MIPEP: variants seen among roughly 807,000 people sequenced by gnomAD.
The protein encoded by MIPEP is mitochondrial intermediate peptidase.
A neutral mutation model predicts 90.3 loss-of-function variants in MIPEP; 79 were observed. The ratio of observed to expected loss-of-function variants is 0.87; its 90% CI spans 0.73 to 1.05. The LOEUF is 1.05. Among genes scored for constraint, MIPEP ranks in the 50% least tolerant of loss-of-function variants. MIPEP has a pLI of 0.00. For missense variants in MIPEP, 940 were observed against 905.6 expected, an observed-to-expected ratio of 1.04 and a Z score of -0.49; for synonymous variants, 334 against 315.8, an observed-to-expected ratio of 1.06 and a Z score of -0.61.
At chr13:23,834,148 G>A (rs1460464146) in intron 14 of MIPEP, among the ~76,000 whole-genome samples, 1 of 152,132 alleles carries the variant, frequency 6.6e-6, no homozygotes, top group Non-Finnish European at 1.5e-5. Context: ...GAGAGGGGCC[G>A]AGCCCCCGGA....
chr13:23,858,512 C>T (rs966365312), intron 10 of MIPEP, among the ~76,000 whole-genome samples: 1 of 150,692 alleles, frequency 6.6e-6, no homozygotes, highest in East Asian at 1.9e-4. Flanking sequence ...CGTAGTACCA[C>T]GCCATGTACC....
At chr13:23,831,295 C>A (rs1218047507) in intron 14 of MIPEP, among the ~76,000 whole-genome samples, 1 of 143,030 alleles carries the variant, frequency 7.0e-6, no homozygotes, top group East Asian at 2.1e-4. Context: ...CATTAGGAAT[C>A]AGGATCTGGG....
intron 16 of MIPEP, among the ~76,000 whole-genome samples, chr13:23,779,468 T>C (rs1952753494): frequency 6.6e-6 from 1 of 151,284 alleles, no homozygotes; most frequent in South Asian, 2.1e-4. Flanking sequence ...AAAAGGTGTA[T>C]GGGGGGGGCA....
chr13:23,857,662 G>C (rs1321310392), intron 10 of MIPEP, among the ~76,000 whole-genome samples: 1 of 152,180 alleles, frequency 6.6e-6, no homozygotes, highest in Non-Finnish European at 1.5e-5. Flanking sequence ...TGCCTTGTAA[G>C]TAAAAATGGT....
chr13:23,764,358 T>C (rs1417306773), intron 16 of MIPEP, among the ~76,000 whole-genome samples: 2 of 152,154 alleles, frequency 1.3e-5, no homozygotes, highest in Non-Finnish European at 2.9e-5. Context: ...AATGGAAGGC[T>C]CTTTGATCAT....
rs556253332 is a variant in MIPEP at position 23,880,870 on chromosome 13, A to G, written c.452+829T>C. On this transcript the variant is annotated intron_variant, in intron 3 of 18. Transcript: ENST00000382172. ...AGAGAAGCCATCACTCTCCTCCTCC[A>G]ACAATTTCTGGCATATGAAATTGTC... is the stretch of plus-strand genomic sequence containing the variant. Among the ~76,000 whole-genome samples, 175 of 152,230 alleles carry G rather than the reference A, an allele frequency of 1.1e-3. 1 individual carries two copies. Among genetic ancestry groups the G allele is most frequent in the African/African-American group, 4.1e-3 (169 of 41,540 alleles).
intron 10 of MIPEP, among the ~76,000 whole-genome samples, chr13:23,852,388 G>A (rs574393220): frequency 6.6e-6 from 1 of 152,324 alleles, no homozygotes; most frequent in East Asian, 1.9e-4. Flanking sequence ...AGACTGAGAT[G>A]ACATGAGGGC....
At chr13:23,888,713 A>C in intron 1 of MIPEP, 1 of 1,003,954 alleles carries the variant, frequency 1.0e-6, no homozygotes, top group Non-Finnish European at 1.2e-6. Context: ...TCCTTGCAAA[A>C]AGACCATGTG....
chr13:23,747,676 T>C lies in MIPEP; in HGVS notation c.2044+8869A>G, dbSNP rs557104436. 69 of 394,094 alleles carry C rather than the reference T, an allele frequency of 1.8e-4. 2 individuals are homozygous for C. Among genetic ancestry groups the C allele is most frequent in the Admixed American group, 1.7e-3 (50 of 30,058 alleles). 24.4% of individuals were successfully genotyped at this position (394,094 alleles called of 1,614,324 possible). The stretch of plus-strand genomic sequence containing the variant: ...CCTGTAAAATATCCAAAAATATTCA[T>C]GTGATAAAAAAAATTCCTGAACCAG... On this transcript the variant is annotated intron_variant, in intron 18 of 18. Coordinates refer to ENST00000382172, the MANE Select transcript of MIPEP (RefSeq NM_005932.4).
At chr13:23,879,828 G>A (rs1345732925) in intron 3 of MIPEP, among the ~76,000 whole-genome samples, 3 of 152,094 alleles carry the variant, frequency 2.0e-5, no homozygotes, top group East Asian at 1.9e-4. Context: ...TTAGGCTGCC[G>A]TGAGGATTAA....
At chr13:23,745,961 C>G (rs1046032950) in intron 18 of MIPEP, among the ~76,000 whole-genome samples, 1 of 150,416 alleles carries the variant, frequency 6.6e-6, no homozygotes, top group East Asian at 2.0e-4. Flanking sequence ...TAGAACCAGA[C>G]GTTTGGGGAT....
chr13:23,748,462 C>T (rs1952406918), intron 18 of MIPEP, among the ~76,000 whole-genome samples: 1 of 152,068 alleles, frequency 6.6e-6, no homozygotes, highest in South Asian at 2.1e-4. Flanking sequence ...TTAATATGTG[C>T]TATGAAGCAA....
In MIPEP at chr13:23,827,880, G is replaced by A. The variant is rs919726780; in HGVS notation, c.1653+8360C>T. On this transcript the variant is annotated intron_variant, in intron 14 of 18. Coordinates refer to ENST00000382172, the MANE Select transcript of MIPEP (RefSeq NM_005932.4). ...CAGGAGGTGGAAGTTGCAGTGAGCA[G>A]AGACTGCACCACTGCACTCCAGCCT... Among the ~76,000 whole-genome samples the A allele has an allele frequency of 3.3e-5, 5 of 152,168 alleles. No individual in the cohort carries two copies. The East Asian group carries it at 9.6e-4, about 29-fold the overall frequency.
chr13:23,761,650 G>A (rs1158642330), intron 16 of MIPEP, among the ~76,000 whole-genome samples: 2 of 152,264 alleles, frequency 1.3e-5, no homozygotes, highest in Non-Finnish European at 2.9e-5. Context: ...ATGCAAGCAC[G>A]GCACACGAGC....
Position 23,754,977 on chromosome 13 carries a change from C to T in MIPEP, c.2044+1568G>A, listed in dbSNP as rs202238666. On this transcript the variant is annotated intron_variant, in intron 18 of 18. Coordinates refer to ENST00000382172, the MANE Select transcript of MIPEP (RefSeq NM_005932.4). ...CCTGAGGTCCTGGTTCAATCCCTGGCTCTTCCACATACTGCCTTGTTACAT... is the reference window on the plus strand; with the variant it reads ...CCTGAGGTCCTGGTTCAATCCCTGGTTCTTCCACATACTGCCTTGTTACAT... Among the ~76,000 whole-genome samples the T allele has an allele frequency of 1.8e-4, 27 of 152,360 alleles. No individual in the cohort carries two copies. The East Asian group carries it at 3.7e-3, about 21-fold the overall frequency.
chr13:23,806,103 C>A, intron 15 of MIPEP, 34 bp from the exon 16 acceptor site: 1 of 1,611,158 alleles, frequency 6.2e-7, no homozygotes, highest in South Asian at 1.1e-5. Flanking sequence ...TAGTTTTGGT[C>A]GTCCATCCTC....
chr13:23,828,210 A>T (rs1444993252), intron 14 of MIPEP, among the ~76,000 whole-genome samples: 2 of 152,236 alleles, frequency 1.3e-5, no homozygotes, highest in African/African-American at 4.8e-5. Flanking sequence ...TCTCCAACAA[A>T]CCTATAACAA....
intron 10 of MIPEP, among the ~76,000 whole-genome samples, chr13:23,850,934 G>T (rs1449830517): frequency 6.6e-6 from 1 of 152,226 alleles, no homozygotes; most frequent in Non-Finnish European, 1.5e-5. Context: ...AGGGAGGAAT[G>T]AAAACCTAGT....
chr13:23,879,402 AT>A (rs781152437), intron 3 of MIPEP, 48 bp from the exon 4 acceptor site: 25 of 990,646 alleles, frequency 2.5e-5, no homozygotes, highest in Non-Finnish European at 3.8e-5. Flanking sequence ...CTAATACCTT[AT>A]TTTTAACTTT....
Sources: allele counts gnomAD v4.1 joint callset (sites outside exome capture counted in the v4.1 genomes callset), GRCh38; gene constraint gnomAD v4.1.1; transcripts MANE v1.5; gene names NCBI Gene and HGNC (gene_info 2026-07-23, HGNC 2026-07-21).